WDR88: variants seen among roughly 807,000 people sequenced by gnomAD.
WDR88 encodes the protein WD repeat domain 88, also known as WD repeat-containing protein 88.
A neutral mutation model predicts 46.8 loss-of-function variants in WDR88; 40 were observed. That is an observed-to-expected ratio of 0.86 (90% CI 0.66 to 1.11). The LOEUF (loss-of-function observed/expected upper bound fraction) is 1.11. WDR88 is among the 50% of genes most tolerant of loss of function. The probability of loss-of-function intolerance (pLI) is 0.00; values close to 1 mark genes in which losing one functional copy is unlikely to be tolerated. For missense variants in WDR88, 562 were observed against 602.4 expected (o/e 0.93, Z 0.70); for synonymous variants, 235 against 240.7 (o/e 0.98, Z 0.22).
In WDR88 at chr19:33,175,697, C is replaced by CA; in HGVS notation, c.*127dup. The CA allele has an allele frequency of 8.4e-7, 1 of 1,184,900 alleles. No individual in the cohort carries two copies. The highest frequency in any genetic ancestry group is 1.5e-5 in the South Asian group (1 of 68,688). 73.4% of individuals were successfully genotyped at this position (1,184,900 alleles called of 1,614,324 possible). A position where few individuals can be genotyped will look rare whatever the true frequency, so the allele number is the denominator to read the frequency against. On this transcript the variant is annotated 3_prime_UTR_variant, in exon 11 of 11. Transcript: ENST00000355868. ...AGGCCTGTCAGACTGGGGCAGGACCCAAGCCCTGGCTGGACTCAGCACAGT... is the reference window on the plus strand; with the variant it reads ...AGGCCTGTCAGACTGGGGCAGGACCCAAAGCCCTGGCTGGACTCAGCACAGT...
At chr19:33,171,741 T>C (rs546333993) in intron 9 of WDR88, among the ~76,000 whole-genome samples, 3 of 151,960 alleles carry the variant, frequency 2.0e-5, no homozygotes, top group African/African-American at 7.3e-5. Context: ...CAAATGCATA[T>C]CATATATCCA....
intron 8 of WDR88, among the ~76,000 whole-genome samples, chr19:33,163,214 T>G (rs1343010090): frequency 6.6e-6 from 1 of 151,908 alleles, no homozygotes; most frequent in East Asian, 1.9e-4. Context: ...GCGCCTGTAG[T>G]CCCAGCTACT....
chr19:33,142,884 C>CG (rs1389628526), intron 2 of WDR88: 4 of 130,790 alleles, frequency 3.1e-5, no homozygotes, highest in Non-Finnish European at 4.7e-5. Flanking sequence ...AAAAAAAGGC[C>CG]GGGGGGCGGG....
intron 7 of WDR88, among the ~76,000 whole-genome samples, chr19:33,157,202 A>G (rs1442640529): frequency 1.3e-5 from 2 of 151,262 alleles, no homozygotes; most frequent in East Asian, 3.9e-4. Context: ...GTGTCTAAAA[A>G]GAAAAAAAAA....
intron 5 of WDR88, 134 bp downstream of exon 5, chr19:33,149,044 C>T (rs915838911): frequency 1.4e-6 from 2 of 1,388,984 alleles, no homozygotes; most frequent in Non-Finnish European, 1.9e-6. Context: ...AGCTGGGACA[C>T]TAGGCTAGGT....
At chr19:33,143,821 A>G (rs1973453278) in intron 2 of WDR88, among the ~76,000 whole-genome samples, 1 of 152,126 alleles carries the variant, frequency 6.6e-6, no homozygotes, top group Non-Finnish European at 1.5e-5. Flanking sequence ...ACGAACATCC[A>G]CATACATTTA....
intron 9 of WDR88, among the ~76,000 whole-genome samples, chr19:33,165,393 T>C (rs949146669): frequency 1.3e-5 from 2 of 151,984 alleles, no homozygotes; most frequent in African/African-American, 2.4e-5. Flanking sequence ...TAATACAATA[T>C]ATAGCAAAAG....
Position 33,157,681 on chromosome 19 carries a change from ATG to A in WDR88, c.997+1141_997+1142del, listed in dbSNP as rs1274719203. On this transcript the variant is annotated intron_variant, in intron 7 of 10. Transcript: ENST00000355868. ...TATATGTATGTATGTGTGTGTGTGT[ATG>A]TATGTATATATATATATATATATAT... Among the ~76,000 whole-genome samples, 31 of 24,042 alleles carry A rather than the reference ATG, an allele frequency of 1.3e-3. 1 individual carries two copies. The highest frequency in any genetic ancestry group is 0.021 in the Middle Eastern group (1 of 48). The allele number at this position is 24,042 out of a possible 152,430, so 15.8% of individuals were successfully genotyped here. A position where few individuals can be genotyped will look rare whatever the true frequency, so the allele number is the denominator to read the frequency against.
intron 9 of WDR88, among the ~76,000 whole-genome samples, chr19:33,170,461 T>A (rs1222802416): frequency 6.6e-6 from 1 of 151,910 alleles, no homozygotes; most frequent in Non-Finnish European, 1.5e-5. Context: ...ATTACAGGCA[T>A]GAGCCACTGT....
Position 33,151,322 on chromosome 19 carries a change from C to A in WDR88, c.809+12C>A. On this transcript the variant is annotated intron_variant, in intron 6 of 10. Transcript: ENST00000355868. ...CTCACCATCACTAAGTGAGTTGGACCCCAGGAGGCCAGAAGGGAGTTTGGG... is the reference window on the plus strand; with the variant it reads ...CTCACCATCACTAAGTGAGTTGGACACCAGGAGGCCAGAAGGGAGTTTGGG... The A allele has an allele frequency of 6.2e-7, 1 of 1,610,052 alleles. No individual in the cohort carries two copies. The highest frequency in any genetic ancestry group is 8.5e-7 in the Non-Finnish European group (1 of 1,178,204).
chr19:33,138,594 G>T (rs751387349), intron 2 of WDR88, among the ~76,000 whole-genome samples: 1 of 151,524 alleles, frequency 6.6e-6, no homozygotes, highest in African/African-American at 2.4e-5. Context: ...TGATCCACCT[G>T]CCTCAGCCTA....
At position 33,132,241 on chromosome 19, in the gene WDR88, C is replaced by T. The variant is rs1346502487; in HGVS notation, c.72C>T (p.Pro24=). The change falls in exon 1 of 11, where the codon CCC becomes CCT. Residue 24 remains proline (P), a synonymous_variant. Transcript: ENST00000355868. ...GCAAGTTGCCGCCACCCTCCGCCCC[C>T]GCCAGCGAGTATTGTCCCGGCAAGC... ...RECKLPPPSA[P]ASEYCPGKLS... 5.0e-6 allele frequency: 8 copies of T among 1,611,740 alleles called. No individual in the cohort carries two copies. In the South Asian group the frequency reaches 6.6e-5, roughly 13 times the overall value.
In WDR88 at chr19:33,132,304, C is replaced by T; in HGVS notation, c.135C>T (p.Phe45=). The T allele has an allele frequency of 1.2e-6, 2 of 1,613,994 alleles. No individual in the cohort carries two copies. The highest frequency in any genetic ancestry group is 1.7e-6 in the Non-Finnish European group (2 of 1,180,014). The change falls in exon 1 of 11, where the codon TTC becomes TTT. Residue 45 remains phenylalanine (F), a synonymous_variant. Transcript: ENST00000355868. ...CCATGGCGAGGGCCTTAGGCCGCTT[C>T]AAGCTGTCGATCCCGCACACGCACC... is the stretch of plus-strand genomic sequence containing the variant. ...WGTMARALGR[F]KLSIPHTHLL... is the part of the protein sequence containing the mutation.
intron 1 of WDR88, among the ~76,000 whole-genome samples, chr19:33,133,903 C>G (rs891473292): frequency 6.6e-6 from 1 of 152,228 alleles, no homozygotes; most frequent in Non-Finnish European, 1.5e-5. Flanking sequence ...GTCTGACATC[C>G]CCGTTCCGTC....
chr19:33,161,822 A>G (rs1193265952), intron 8 of WDR88, among the ~76,000 whole-genome samples: 1 of 151,988 alleles, frequency 6.6e-6, no homozygotes, highest in African/African-American at 2.4e-5. Context: ...AAAATTAGCC[A>G]GGTGTGGTCA....
chr19:33,142,391 G>A (rs935860439), intron 2 of WDR88, among the ~76,000 whole-genome samples: 1 of 152,014 alleles, frequency 6.6e-6, no homozygotes, highest in Non-Finnish European at 1.5e-5. Flanking sequence ...AGAAAGTGGT[G>A]GAGGGAGGAG....
At chr19:33,147,770 C>A in intron 4 of WDR88, 62 bp downstream of exon 4, 1 of 1,531,346 alleles carries the variant, frequency 6.5e-7, no homozygotes, top group Non-Finnish European at 9.0e-7. Context: ...AAGCCTCAGG[C>A]AGCTTTGGGT....
At chr19:33,160,576 C>A in intron 8 of WDR88, 80 bp downstream of exon 8, 1 of 1,479,830 alleles carries the variant, frequency 6.8e-7, no homozygotes, top group Non-Finnish European at 9.4e-7. Flanking sequence ...TTGCTGGGGA[C>A]ACAGCTGTGA....
chr19:33,132,368 C>T lies in WDR88; in HGVS notation c.199C>T (p.Pro67Ser). Residue 67 changes from proline to serine, a missense_variant, in exon 1 of 11, where the codon CCA becomes TCA. Physicochemically the swap from Pro to Ser is moderately conservative, Grantham distance 74 (BLOSUM62 -1). Coordinates refer to ENST00000355868, the MANE Select transcript of WDR88 (RefSeq NM_173479.4). Reference protein sequence around the residue: ...TLDPLALDREPPPHLLPEKHQ... With the variant: ...TLDPLALDRESPPHLLPEKHQ... ...CGACCCCCTGGCCTTGGACAGGGAA[C>T]CACCACCGCATCTGTTGCCTGAGAA... is the stretch of plus-strand genomic sequence containing the variant. 3.7e-6 allele frequency: 6 copies of T among 1,614,148 alleles called. No individual in the cohort carries two copies. Among genetic ancestry groups the T allele is most frequent in the Non-Finnish European group, 5.1e-6 (6 of 1,180,014 alleles).
Sources: allele counts gnomAD v4.1 joint callset (sites outside exome capture counted in the v4.1 genomes callset), GRCh38; gene constraint gnomAD v4.1.1; transcripts MANE v1.5; gene names NCBI Gene and HGNC (gene_info 2026-07-23, HGNC 2026-07-21).